The following NRXN1 variants were observed in gnomAD, a reference collection of about 807,000 sequenced individuals.
NRXN1 encodes the protein neurexin 1.
In NRXN1, 39 loss-of-function variants were observed where a neutral mutation model predicts 150.9. The ratio of observed to expected loss-of-function variants is 0.26; its 90% CI spans 0.20 to 0.34. The LOEUF (loss-of-function observed/expected upper bound fraction) is 0.34, where lower values mean the gene tolerates loss of function less well. NRXN1 is among the 10% of genes least tolerant of loss of function. The pLI is 1.00. For missense variants in NRXN1, 1,815 were observed against 1,949.9 expected, an observed-to-expected ratio of 0.93 and a Z score of 1.30; for synonymous variants, 924 against 757.0, an observed-to-expected ratio of 1.22 and a Z score of -3.62.
chr2:50,271,505 T>C (rs1302748426), intron 17 of NRXN1, among the ~76,000 whole-genome samples: 1 of 152,144 alleles, frequency 6.6e-6, no homozygotes, highest in Non-Finnish European at 1.5e-5. Context: ...TTTTCTTCAG[T>C]CTTACTGAAA....
intron 18 of NRXN1, among the ~76,000 whole-genome samples, chr2:50,224,097 CT>C (rs2064135947): frequency 6.6e-6 from 1 of 151,936 alleles, no homozygotes; most frequent in Non-Finnish European, 1.5e-5. Context: ...GTCACAGAAT[CT>C]CTGGAATTCC....
chr2:50,083,842 A>T (rs1239460478), intron 19 of NRXN1, among the ~76,000 whole-genome samples: 1 of 152,134 alleles, frequency 6.6e-6, no homozygotes, highest in East Asian at 1.9e-4. Flanking sequence ...ACAAACCCTG[A>T]GCTAGATACA....
intron 17 of NRXN1, among the ~76,000 whole-genome samples, chr2:50,448,752 T>C (rs2104514220): frequency 6.6e-6 from 1 of 152,322 alleles, no homozygotes; most frequent in African/African-American, 2.4e-5. Context: ...CGTTTCCTTT[T>C]GTGCTTTGGC....
intron 8 of NRXN1, among the ~76,000 whole-genome samples, chr2:50,577,052 G>C (rs536401225): frequency 2.0e-5 from 3 of 152,184 alleles, no homozygotes; most frequent in African/African-American, 7.2e-5. Context: ...GCAAGTGATA[G>C]ACTGCTACTA....
intron 18 of NRXN1, among the ~76,000 whole-genome samples, chr2:50,234,175 G>C (rs1372037075): frequency 1.3e-5 from 2 of 151,960 alleles, no homozygotes; most frequent in African/African-American, 4.8e-5. Flanking sequence ...CACTGGCCTT[G>C]TGTTAATTTT....
chr2:50,790,461 C>A (rs1243480794), intron 5 of NRXN1, among the ~76,000 whole-genome samples: 1 of 151,930 alleles, frequency 6.6e-6, no homozygotes, highest in Non-Finnish European at 1.5e-5. Flanking sequence ...AAATCAAAAC[C>A]AAAAATAAAA....
At chr2:50,351,846 T>C (rs2078435637) in intron 17 of NRXN1, among the ~76,000 whole-genome samples, 1 of 152,110 alleles carries the variant, frequency 6.6e-6, no homozygotes, top group Admixed American at 6.5e-5. Flanking sequence ...AAAACCATTT[T>C]TGGAAGACAT....
At chr2:50,899,094 T>A (rs1010407678) in intron 5 of NRXN1, among the ~76,000 whole-genome samples, 6 of 152,138 alleles carry the variant, frequency 3.9e-5, no homozygotes, top group African/African-American at 1.2e-4. Context: ...GAGACATAAA[T>A]AATTAAAATT....
chr2:49,994,866 C>G (rs142236086), intron 21 of NRXN1, among the ~76,000 whole-genome samples: 86 of 152,298 alleles, frequency 5.6e-4, no homozygotes, highest in African/African-American at 2.0e-3. Flanking sequence ...TTCCACTTTG[C>G]TCATAACATC....
intron 18 of NRXN1, among the ~76,000 whole-genome samples, chr2:50,112,062 T>C (rs913581206): frequency 3.3e-5 from 5 of 152,170 alleles, no homozygotes; most frequent in African/African-American, 1.2e-4. Flanking sequence ...TAGTTGATGA[T>C]CTCAGCTTTT....
chr2:50,863,629 T>C (rs539787003), intron 5 of NRXN1, among the ~76,000 whole-genome samples: 1 of 152,090 alleles, frequency 6.6e-6, no homozygotes, highest in South Asian at 2.1e-4. Flanking sequence ...TTTTACAGTA[T>C]TTCTCCTAAA....
intron 17 of NRXN1, among the ~76,000 whole-genome samples, chr2:50,253,722 T>A (rs1243418629): frequency 6.6e-6 from 1 of 152,174 alleles, no homozygotes; most frequent in Non-Finnish European, 1.5e-5. Flanking sequence ...ATTTATTGAT[T>A]TGTGTATGTT....
At chr2:50,075,830 G>A (rs1033270658) in intron 19 of NRXN1, among the ~76,000 whole-genome samples, 14 of 151,622 alleles carry the variant, frequency 9.2e-5, no homozygotes, top group Non-Finnish European at 1.8e-4. Flanking sequence ...CAGGAAATCT[G>A]GCTATGTACA....
intron 8 of NRXN1, among the ~76,000 whole-genome samples, chr2:50,569,939 A>G (rs1670411669): frequency 6.6e-6 from 1 of 152,190 alleles, no homozygotes; most frequent in Admixed American, 6.6e-5. Flanking sequence ...AAAAAGATTA[A>G]AGAATTCAGA....
rs372783830 is a variant in NRXN1 at position 50,573,635 on chromosome 2, G to A, written c.1321-20610C>T. ...AAGAAATGAAACAGCATCTCATTGG[G>A]GTGGAATCCCAAAGAGATGTAAACC... On this transcript the variant is annotated intron_variant, in intron 8 of 22. Coordinates refer to ENST00000401669, the MANE Select transcript of NRXN1 (RefSeq NM_001330078.2). 1.1e-3 allele frequency among the ~76,000 whole-genome samples: 161 copies of A among 151,978 alleles called. No individual in the cohort carries two copies. The South Asian group carries it at 0.016, about 15-fold the overall frequency.
chr2:50,057,997 CAGGT>C (rs1245937078), intron 19 of NRXN1, among the ~76,000 whole-genome samples: 2 of 151,884 alleles, frequency 1.3e-5, no homozygotes, highest in African/African-American at 2.4e-5. Context: ...CTAAACAAGA[CAGGT>C]AGAGAAAAAT....
At chr2:50,171,179 A>AC (rs1391652344) in intron 18 of NRXN1, among the ~76,000 whole-genome samples, 2 of 151,906 alleles carry the variant, frequency 1.3e-5, no homozygotes, top group East Asian at 2.0e-4. Context: ...CAGAGGCAGA[A>AC]GAAACTCTAT....
At chr2:50,556,520 T>TTAAGAGTGATTC (rs1553785490) in intron 8 of NRXN1, among the ~76,000 whole-genome samples, 1 of 148,978 alleles carries the variant, frequency 6.7e-6, no homozygotes, top group Non-Finnish European at 1.5e-5. Context: ...TTTTTTTTTT[T>TTAAGAGTGATTC]AAAGAGTGAT....
intron 6 of NRXN1, among the ~76,000 whole-genome samples, chr2:50,621,711 G>C (rs1396070510): frequency 6.6e-6 from 1 of 152,024 alleles, no homozygotes; most frequent in Admixed American, 6.6e-5. Context: ...GGAATCAGTT[G>C]GCATTGCCCT....
Sources: allele counts gnomAD v4.1 joint callset (sites outside exome capture counted in the v4.1 genomes callset), GRCh38; gene constraint gnomAD v4.1.1; transcripts MANE v1.5; gene names NCBI Gene and HGNC (gene_info 2026-07-23, HGNC 2026-07-21).